Variants in NUBPL observed in about 807,000 individuals in gnomAD.
NUBPL encodes NUBP iron-sulfur cluster assembly factor, mitochondrial.
Under a neutral mutation model 45.7 loss-of-function variants are expected in NUBPL, and 31 were observed. The ratio of observed to expected loss-of-function variants is 0.68; its 90% CI spans 0.51 to 0.92. The LOEUF is 0.92. Ranked by LOEUF, NUBPL falls within the 40% of genes least tolerant of loss-of-function variation. NUBPL has a pLI of 0.00. For missense variants in NUBPL, 401 were observed against 398.7 expected, an observed-to-expected ratio of 1.01 and a Z score of -0.05; for synonymous variants, 144 against 140.9, an observed-to-expected ratio of 1.02 and a Z score of -0.15.
intron 6 of NUBPL, among the ~76,000 whole-genome samples, chr14:31,722,770 C>T (rs1350790561): frequency 6.6e-6 from 1 of 152,058 alleles, no homozygotes. Flanking sequence ...CCTTTGCCCA[C>T]CTTTTAATGG....
chr14:31,607,447 T>C (rs2034634336), intron 4 of NUBPL, among the ~76,000 whole-genome samples: 1 of 149,676 alleles, frequency 6.7e-6, no homozygotes, highest in South Asian at 2.1e-4. Flanking sequence ...AGACAAAGAA[T>C]TCAAAATAGC....
chr14:31,834,394 T>C (rs368074484), intron 8 of NUBPL, among the ~76,000 whole-genome samples: 139 of 152,194 alleles, frequency 9.1e-4, no homozygotes, highest in Non-Finnish European at 1.3e-3. Flanking sequence ...TTAGCCAGGA[T>C]GGTCTCGATC....
intron 6 of NUBPL, chr14:31,771,984 C>A: frequency 6.8e-6 from 4 of 586,984 alleles, no homozygotes; most frequent in Non-Finnish European, 8.6e-6. Flanking sequence ...AATACCTTAA[C>A]CACTGAACAG....
At chr14:31,810,874 T>C (rs1270047649) in intron 7 of NUBPL, among the ~76,000 whole-genome samples, 1 of 152,222 alleles carries the variant, frequency 6.6e-6, no homozygotes, top group African/African-American at 2.4e-5. Context: ...CCTTCCCTTA[T>C]GAAGCTTAGT....
At chr14:31,682,099 T>C (rs2139835710) in intron 6 of NUBPL, among the ~76,000 whole-genome samples, 1 of 152,284 alleles carries the variant, frequency 6.6e-6, no homozygotes, top group African/African-American at 2.4e-5. Flanking sequence ...GTCTAGTTAC[T>C]GTATAAATTA....
At chr14:31,569,572 C>A (rs1439333817) in intron 3 of NUBPL, among the ~76,000 whole-genome samples, 2 of 152,112 alleles carry the variant, frequency 1.3e-5, no homozygotes, top group South Asian at 4.2e-4. Flanking sequence ...TTATACTTTC[C>A]TTTGAGGATG....
At chr14:31,820,065 A>G (rs1009002644) in intron 7 of NUBPL, among the ~76,000 whole-genome samples, 1 of 149,908 alleles carries the variant, frequency 6.7e-6, no homozygotes, top group Non-Finnish European at 1.5e-5. Context: ...GCATGAACCC[A>G]GGAGGCGGAG....
At chr14:31,625,571 G>A (rs1276335924) in intron 4 of NUBPL, among the ~76,000 whole-genome samples, 1 of 151,522 alleles carries the variant, frequency 6.6e-6, no homozygotes. Flanking sequence ...TGCTTCCCAG[G>A]CTCTAGTGAT....
chr14:31,790,422 T>G (rs1360763272), intron 7 of NUBPL, among the ~76,000 whole-genome samples: 1 of 151,906 alleles, frequency 6.6e-6, no homozygotes, highest in Non-Finnish European at 1.5e-5. Flanking sequence ...AGACATAGTC[T>G]TTTTTTTGTT....
In NUBPL at chr14:31,770,984, G is replaced by A. The variant is rs573776958; in HGVS notation, c.514-16796G>A. ...TCTATTGAGTCAGTTTCAAAAATAT[G>A]TTCAAAAAGCTGTGGGTGTTTAAAA... On this transcript the variant is annotated intron_variant, in intron 6 of 10. Coordinates refer to ENST00000281081, the MANE Select transcript of NUBPL (RefSeq NM_025152.3). 2.6e-5 allele frequency among the ~76,000 whole-genome samples: 4 copies of A among 152,236 alleles called. No homozygotes were observed. The South Asian group carries it at 8.3e-4, about 32-fold the overall frequency.
At chr14:31,566,814 A>G (rs556519668) in intron 3 of NUBPL, among the ~76,000 whole-genome samples, 3 of 152,266 alleles carry the variant, frequency 2.0e-5, no homozygotes, top group East Asian at 1.9e-4. Flanking sequence ...GAAGGATTCA[A>G]TCCACCATTG....
chr14:31,726,525 T>A (rs1314095263), intron 6 of NUBPL, among the ~76,000 whole-genome samples: 1 of 152,224 alleles, frequency 6.6e-6, no homozygotes, highest in Non-Finnish European at 1.5e-5. Flanking sequence ...TTCAGGGTTT[T>A]TTGTTTAGTT....
At chr14:31,738,706 A>C (rs1376203866) in intron 6 of NUBPL, among the ~76,000 whole-genome samples, 2 of 152,238 alleles carry the variant, frequency 1.3e-5, no homozygotes, top group Non-Finnish European at 2.9e-5. Context: ...GATAATTTAA[A>C]AAATTTCCCA....
intron 6 of NUBPL, among the ~76,000 whole-genome samples, chr14:31,782,351 C>T (rs552001670): frequency 3.9e-5 from 6 of 152,070 alleles, no homozygotes; most frequent in African/African-American, 7.2e-5. Context: ...GCTGAGATTG[C>T]GCCGCTGCAC....
At chr14:31,805,746 C>T (rs914441807) in intron 7 of NUBPL, among the ~76,000 whole-genome samples, 2 of 151,880 alleles carry the variant, frequency 1.3e-5, no homozygotes, top group Admixed American at 1.3e-4. Flanking sequence ...ACACTGGGGC[C>T]TCTCAGAGGG....
chr14:31,849,942 G>A (rs771487971), intron 9 of NUBPL, 177 bp from the exon 10 acceptor site: 9 of 637,642 alleles, frequency 1.4e-5, no homozygotes, highest in Non-Finnish European at 2.2e-5. Context: ...CTAAAATAGA[G>A]TATCTTGTTT....
At chr14:31,834,676 C>T (rs1023845425) in intron 8 of NUBPL, among the ~76,000 whole-genome samples, 5 of 152,178 alleles carry the variant, frequency 3.3e-5, no homozygotes, top group African/African-American at 1.2e-4. Context: ...ATGCTTTGAA[C>T]TAGAATGCTG....
chr14:31,663,254 T>C (rs1238127898), intron 4 of NUBPL, among the ~76,000 whole-genome samples: 1 of 152,232 alleles, frequency 6.6e-6, no homozygotes, highest in Admixed American at 6.5e-5. Context: ...TTAGATCCCA[T>C]TTGTCAATTT....
intron 6 of NUBPL, among the ~76,000 whole-genome samples, chr14:31,720,587 C>T (rs1227791190): frequency 6.6e-6 from 1 of 152,156 alleles, no homozygotes; most frequent in Non-Finnish European, 1.5e-5. Flanking sequence ...TTGCTTAGAA[C>T]GTACTACCTC....
Sources: allele counts gnomAD v4.1 joint callset (sites outside exome capture counted in the v4.1 genomes callset), GRCh38; gene constraint gnomAD v4.1.1; transcripts MANE v1.5; gene names NCBI Gene and HGNC (gene_info 2026-07-23, HGNC 2026-07-21).